Variants in PAXBP1 observed in about 807,000 individuals in gnomAD.
The protein encoded by PAXBP1 is PAX3- and PAX7-binding protein 1.
A neutral mutation model predicts 119.9 loss-of-function variants in PAXBP1; 44 were observed. The observed-to-expected ratio is 0.37, with a 90% confidence interval of 0.29 to 0.47. PAXBP1 has a LOEUF of 0.47. Among genes scored for constraint, PAXBP1 ranks in the 20% least tolerant of loss-of-function variants. The pLI, the probability that PAXBP1 is intolerant of heterozygous loss-of-function variation, is 0.99. For missense variants in PAXBP1, 898 were observed against 1,134.1 expected (o/e 0.79, Z 2.99); for synonymous variants, 393 against 406.6 (o/e 0.97, Z 0.40).
intron 3 of PAXBP1, among the ~76,000 whole-genome samples, chr21:32,762,587 C>G (rs1487848078): frequency 3.3e-5 from 5 of 151,288 alleles, no homozygotes; most frequent in African/African-American, 1.2e-4. Context: ...CCCACCAAAG[C>G]AGTTTTATTT....
At chr21:32,765,255 C>T (rs1264328321) in intron 2 of PAXBP1, among the ~76,000 whole-genome samples, 1 of 152,216 alleles carries the variant, frequency 6.6e-6, no homozygotes, top group African/African-American at 2.4e-5. Flanking sequence ...ATTGTGCCAT[C>T]TGGACAGAGA....
At chr21:32,755,622 CAAGTA>C (rs1482918342) in intron 7 of PAXBP1, 1 of 260,872 alleles carries the variant, frequency 3.8e-6, no homozygotes, top group African/African-American at 2.2e-5. Flanking sequence ...ATTCATAGAA[CAAGTA>C]AAGAAATGTC....
intron 2 of PAXBP1, among the ~76,000 whole-genome samples, chr21:32,768,704 T>A (rs1427245598): frequency 6.6e-6 from 1 of 152,210 alleles, no homozygotes; most frequent in Non-Finnish European, 1.5e-5. Flanking sequence ...CAAAACGCAT[T>A]TATCATGTCA....
intron 2 of PAXBP1, among the ~76,000 whole-genome samples, chr21:32,766,068 G>A (rs1234296745): frequency 2.6e-5 from 4 of 152,204 alleles, no homozygotes; most frequent in Non-Finnish European, 2.9e-5. Context: ...CCAGGAGGCA[G>A]AAGCTGCAGT....
rs1203865590 is a variant in PAXBP1, at chr21:32,738,251, A to G, written c.2403T>C (p.Asp801=). ...SNKTLQELSI[D]GLLNRYILMA... The stretch of plus-strand genomic sequence containing the variant: ...TGAGAATATATCGATTTAATAAACC[A>G]TCTATTGATAACTCTTGCAGAGTTT... Residue 801 remains aspartate, a synonymous_variant, in exon 16 of 18, where the codon GAT becomes GAC. Transcript: ENST00000331923. 2.5e-6 allele frequency: 4 copies of G among 1,604,428 alleles called. No homozygotes were observed. The highest frequency in any genetic ancestry group is 3.4e-6 in the Non-Finnish European group (4 of 1,177,190).
At chr21:32,745,142 AAG>A (rs1476253005) in intron 12 of PAXBP1, among the ~76,000 whole-genome samples, 4 of 152,236 alleles carry the variant, frequency 2.6e-5, no homozygotes, top group Non-Finnish European at 5.9e-5. Flanking sequence ...ATTAGGAAAA[AAG>A]AGGATTTCTG....
chr21:32,745,834 G>A, intron 11 of PAXBP1, 116 bp from the exon 12 acceptor site: 2 of 1,279,188 alleles, frequency 1.6e-6, no homozygotes, highest in Non-Finnish European at 2.2e-6. Flanking sequence ...ACTAAAAACT[G>A]GACGGCTGGA....
chr21:32,764,599 C>G, intron 2 of PAXBP1, 75 bp from the exon 3 acceptor site: 1 of 1,199,960 alleles, frequency 8.3e-7, no homozygotes, highest in Non-Finnish European at 1.1e-6. Flanking sequence ...ATGGTATTGA[C>G]ATCATTAAAA....
At chr21:32,742,179 T>C (rs1049906341) in intron 15 of PAXBP1, 4 of 152,106 alleles carry the variant, frequency 2.6e-5, no homozygotes. Flanking sequence ...TGGCTGTATC[T>C]GCTCATCAGA....
chr21:32,770,249 T>C (rs2044313869), intron 1 of PAXBP1, among the ~76,000 whole-genome samples: 1 of 152,206 alleles, frequency 6.6e-6, no homozygotes, highest in Non-Finnish European at 1.5e-5. Flanking sequence ...AAAATGTTTC[T>C]GAAAAACCAC....
At chr21:32,771,117 G>A (rs1403823496) in intron 1 of PAXBP1, among the ~76,000 whole-genome samples, 1 of 152,270 alleles carries the variant, frequency 6.6e-6, no homozygotes, top group African/African-American at 2.4e-5. Context: ...TGGCAGAGGA[G>A]GTGGTTAAGA....
intron 15 of PAXBP1, among the ~76,000 whole-genome samples, chr21:32,740,446 C>A (rs2043763913): frequency 6.6e-6 from 1 of 152,202 alleles, no homozygotes; most frequent in Non-Finnish European, 1.5e-5. Context: ...AATAAACTTT[C>A]TAAATTAACT....
rs1365160063 is a variant in PAXBP1 at position 32,759,920 on chromosome 21, G to C, written c.1050C>G (p.Ser350=). 3.1e-6 allele frequency: 5 copies of C among 1,613,928 alleles called. No individual in the cohort carries two copies. The South Asian group carries it at 3.3e-5, about 11-fold the overall frequency. ...NTYQTMPYGS[S]YGIPYSYTAY... ...CCGTATAACTATAAGGAATGCCATA[G>C]GATGAGCCGTAAGGCATTGTCTGGT... Residue 350 remains serine (S), a synonymous_variant, in exon 6 of 18, where the codon TCC becomes TCG. Transcript: ENST00000331923.
At chr21:32,747,856 T>C (rs760873518) in intron 11 of PAXBP1, among the ~76,000 whole-genome samples, 1 of 151,610 alleles carries the variant, frequency 6.6e-6, no homozygotes. Flanking sequence ...GGCACAATCA[T>C]AGCTCATTAC....
intron 15 of PAXBP1, among the ~76,000 whole-genome samples, chr21:32,739,766 C>A (rs919621456): frequency 6.6e-6 from 1 of 150,990 alleles, no homozygotes; most frequent in African/African-American, 2.4e-5. Flanking sequence ...AGTAGCCGGG[C>A]GTGGTGGTGG....
In PAXBP1 at chr21:32,742,734, A is replaced by G. The variant is rs2043806284; in HGVS notation, c.2334+514T>C. ...GTTTCAGTCAGCTGTGGCACAGTAC[A>G]ATAACATATTTTGAGAGAGAAACTA... On this transcript the variant is annotated intron_variant, in intron 15 of 17. Transcript: ENST00000331923. 2.9e-5 allele frequency: 8 copies of G among 276,962 alleles called. No homozygotes were observed. In the South Asian group the frequency reaches 3.0e-4, roughly 10 times the overall value. The allele number at this position is 276,962 out of a possible 1,614,324, so 17.2% of individuals were successfully genotyped here. A position where few individuals can be genotyped will look rare whatever the true frequency, so the allele number is the denominator to read the frequency against.
At chr21:32,752,751 C>T (rs927654629) in intron 8 of PAXBP1, among the ~76,000 whole-genome samples, 5 of 151,998 alleles carry the variant, frequency 3.3e-5, no homozygotes, top group Admixed American at 1.3e-4. Context: ...GCGATTCTCC[C>T]GCCTCAGCCT....
intron 8 of PAXBP1, among the ~76,000 whole-genome samples, chr21:32,753,497 T>C (rs1245193939): frequency 6.6e-6 from 1 of 151,838 alleles, no homozygotes; most frequent in Non-Finnish European, 1.5e-5. Context: ...AAATGTGCAC[T>C]GGAGGAGACA....
At chr21:32,770,781 A>T (rs977828031) in intron 1 of PAXBP1, among the ~76,000 whole-genome samples, 4 of 152,156 alleles carry the variant, frequency 2.6e-5, no homozygotes, top group Admixed American at 1.3e-4. Context: ...TGCTACCCCT[A>T]ATTACTTTTA....
Sources: allele counts gnomAD v4.1 joint callset (sites outside exome capture counted in the v4.1 genomes callset), GRCh38; gene constraint gnomAD v4.1.1; transcripts MANE v1.5; gene names NCBI Gene and HGNC (gene_info 2026-07-23, HGNC 2026-07-21).